SOX6: variants seen among roughly 807,000 people sequenced by gnomAD.
The protein encoded by SOX6 is transcription factor SOX-6.
Under a neutral mutation model 97.8 loss-of-function variants are expected in SOX6, and 11 were observed. That is an observed-to-expected ratio of 0.11 (90% CI 0.07 to 0.19). SOX6 has a LOEUF of 0.19. Ranked by LOEUF, SOX6 falls within the 10% of genes least tolerant of loss-of-function variation. The pLI is 1.00. For missense variants in SOX6, 810 were observed against 1,039.5 expected (o/e 0.78, Z 3.04); for synonymous variants, 360 against 371.4 (o/e 0.97, Z 0.35).
intron 3 of SOX6, among the ~76,000 whole-genome samples, chr11:16,248,247 G>T (rs994125094): frequency 3.3e-5 from 5 of 151,840 alleles, no homozygotes; most frequent in African/African-American, 1.2e-4. Flanking sequence ...TTGAGTGTCT[G>T]TGGCTTTACC....
intron 1 of SOX6, among the ~76,000 whole-genome samples, chr11:16,414,799 C>CA (rs1247063037): frequency 6.6e-6 from 1 of 152,062 alleles, no homozygotes; most frequent in African/African-American, 2.4e-5. Flanking sequence ...CAAGAAACTA[C>CA]ATGAAATATA....
In SOX6 at chr11:16,132,286, G is replaced by T. The variant is rs369899522; in HGVS notation, c.778-20363C>A. ...AAGAAAGAAGGAAGGAAGGAAGGAA[G>T]GAAGGAAGGAAGGAAGGAAGGAAGG... is the stretch of plus-strand genomic sequence containing the variant. On this transcript the variant is annotated intron_variant, in intron 6 of 15. Coordinates refer to ENST00000683767, the MANE Select transcript of SOX6 (RefSeq NM_001367873.1). 4.9e-5 allele frequency among the ~76,000 whole-genome samples: 3 copies of T among 61,732 alleles called. 1 individual carries two copies. Among genetic ancestry groups the T allele is most frequent in the African/African-American group, 1.7e-4 (3 of 17,284 alleles). 40.5% of individuals were successfully genotyped at this position (61,732 alleles called of 152,430 possible). A position where few individuals can be genotyped will look rare whatever the true frequency, so the allele number is the denominator to read the frequency against.
At chr11:16,266,721 G>A (rs1005102791) in intron 3 of SOX6, among the ~76,000 whole-genome samples, 1 of 151,504 alleles carries the variant, frequency 6.6e-6, no homozygotes, top group Non-Finnish European at 1.5e-5. Context: ...AAGGTGGACT[G>A]TAAGTTGAAG....
intron 3 of SOX6, among the ~76,000 whole-genome samples, chr11:16,295,437 C>A (rs1792530144): frequency 6.6e-6 from 1 of 151,990 alleles, no homozygotes; most frequent in Non-Finnish European, 1.5e-5. Context: ...AGAAAAGACA[C>A]AATCACAAGA....
chr11:16,370,777 A>G (rs1857477112), intron 1 of SOX6, among the ~76,000 whole-genome samples: 1 of 151,990 alleles, frequency 6.6e-6, no homozygotes, highest in South Asian at 2.1e-4. Context: ...CTTTCTTTCT[A>G]TCATCCAACA....
chr11:16,720,702 A>C (rs925628292), intron 2 of SOX6, among the ~76,000 whole-genome samples: 1 of 151,986 alleles, frequency 6.6e-6, no homozygotes, highest in African/African-American at 2.4e-5. Flanking sequence ...ATAATAATAA[A>C]AAAAAGAAAG....
intron 4 of SOX6, chr11:16,567,187 T>C (rs904379203): frequency 4.6e-5 from 7 of 152,236 alleles, no homozygotes; most frequent in African/African-American, 1.7e-4. Flanking sequence ...TGTGGTGGGC[T>C]TATTGAAGTA....
At chr11:16,248,826 G>A (rs752979462) in intron 3 of SOX6, among the ~76,000 whole-genome samples, 18 of 152,122 alleles carry the variant, frequency 1.2e-4, no homozygotes, top group African/African-American at 4.1e-4. Flanking sequence ...AGCTGGGCAC[G>A]GTGGCTCATG....
rs199600613 is a variant in SOX6, at chr11:16,680,307, C to T, written n.429+34523G>A. Among the ~76,000 whole-genome samples, 3 of 152,194 alleles carry T rather than the reference C, an allele frequency of 2.0e-5. No homozygotes were observed. In the East Asian group the frequency reaches 5.8e-4, roughly 29 times the overall value. ...GAAGAGAGTGGGGGCCAATATTCAA[C>T]ATTCTTAAAGAAAAGAATTTTCAAC... On this transcript the variant is annotated intron_variant and non_coding_transcript_variant, in intron 3 of 5. Coordinates refer to the SOX6 transcript ENST00000524520.
chr11:16,270,687 TAAG>T (rs906720304), intron 3 of SOX6, among the ~76,000 whole-genome samples: 6 of 150,654 alleles, frequency 4.0e-5, no homozygotes, highest in Admixed American at 6.6e-5. Context: ...TATTCAGCCA[TAAG>T]AAGGAGTGTA....
At chr11:16,576,997 G>A (rs1241328320) in intron 4 of SOX6, 2 of 152,202 alleles carry the variant, frequency 1.3e-5, no homozygotes, top group African/African-American at 4.8e-5. Context: ...GACCTGCTGG[G>A]AGCGGGAGAC....
chr11:16,023,136 G>A (rs1392927290), intron 12 of SOX6: 2 of 152,046 alleles, frequency 1.3e-5, no homozygotes, highest in African/African-American at 4.8e-5. Context: ...CCTTCCACCA[G>A]CCCTGGGAAG....
At position 16,567,877 on chromosome 11, in the gene SOX6, ATT is replaced by A. The variant is rs144410415; in HGVS notation, n.609+44202_609+44203del. 1.1e-3 allele frequency among the ~76,000 whole-genome samples: 155 copies of A among 141,584 alleles called. 1 individual carries two copies. The highest frequency in any genetic ancestry group is 7.2e-3 in the Middle Eastern group (2 of 276). The allele number at this position is 141,584 out of a possible 152,430, so 92.9% of individuals were successfully genotyped here. ...GGTGTGAGCCACTGCACCTGGCCAT[ATT>A]TTTTTTTTTTTTACTGTTAAGAACT... On this transcript the variant is annotated intron_variant and non_coding_transcript_variant, in intron 4 of 5. Coordinates refer to the SOX6 transcript ENST00000524520.
chr11:16,308,167 T>G (rs1210826662), intron 3 of SOX6, among the ~76,000 whole-genome samples: 10 of 152,182 alleles, frequency 6.6e-5, no homozygotes, highest in African/African-American at 2.4e-4. Context: ...ATCTCTATCT[T>G]TGTAAAAATT....
At chr11:16,145,345 A>G (rs371655185) in intron 6 of SOX6, among the ~76,000 whole-genome samples, 2 of 152,152 alleles carry the variant, frequency 1.3e-5, no homozygotes, top group Admixed American at 6.5e-5. Flanking sequence ...TTGATGGGAC[A>G]TATCTCAAAA....
intron 4 of SOX6, among the ~76,000 whole-genome samples, chr11:16,483,829 T>C (rs1860387420): frequency 6.6e-6 from 1 of 152,192 alleles, no homozygotes; most frequent in African/African-American, 2.4e-5. Context: ...GAGGTGGTCA[T>C]ATCCTGGCTG....
chr11:16,706,632 G>T (rs1214694087), intron 3 of SOX6, among the ~76,000 whole-genome samples: 1 of 148,956 alleles, frequency 6.7e-6, no homozygotes, highest in Non-Finnish European at 1.5e-5. Context: ...TTGGGTGGAG[G>T]AAGCTAAGAT....
chr11:16,109,933 A>C (rs1849188043), intron 7 of SOX6, among the ~76,000 whole-genome samples: 1 of 152,164 alleles, frequency 6.6e-6, no homozygotes, highest in African/African-American at 2.4e-5. Context: ...TTACCCCAGG[A>C]CACTAACTTT....
chr11:16,329,840 T>C (rs572729418), intron 2 of SOX6, among the ~76,000 whole-genome samples: 2 of 152,288 alleles, frequency 1.3e-5, no homozygotes, highest in Non-Finnish European at 2.9e-5. Context: ...ATTCCATTTT[T>C]GGAGGGTTGT....
Sources: gnomAD v4.1 joint callset for allele counts (sites outside exome capture counted in the v4.1 genomes callset) on GRCh38, gnomAD v4.1.1 for gene constraint, MANE v1.5 for transcripts, NCBI Gene and HGNC (gene_info 2026-07-23, HGNC 2026-07-21) for gene names.